Variants in DSCAM observed in about 807,000 individuals in gnomAD.
DSCAM encodes the protein DS cell adhesion molecule, also known as cell adhesion molecule DSCAM.
A neutral mutation model predicts 217.7 loss-of-function variants in DSCAM; 47 were observed. The ratio of observed to expected loss-of-function variants is 0.22; its 90% CI spans 0.17 to 0.28. DSCAM has a LOEUF of 0.28. Ranked by LOEUF, DSCAM falls within the 10% of genes least tolerant of loss-of-function variation. The probability of loss-of-function intolerance (pLI) is 1.00; values close to 1 mark genes in which losing one functional copy is unlikely to be tolerated. For synonymous variants in DSCAM, 1,056 were observed against 1,015.3 expected (o/e 1.04, Z -0.76); for missense variants, 2,080 against 2,618.3 (o/e 0.79, Z 4.49).
chr21:40,530,048 G>A (rs2076431064), intron 3 of DSCAM, among the ~76,000 whole-genome samples: 1 of 152,158 alleles, frequency 6.6e-6, no homozygotes, highest in African/African-American at 2.4e-5. Context: ...GAAATAATAA[G>A]AACTGAACAC....
chr21:40,302,436 C>T (rs1830953232), intron 9 of DSCAM, among the ~76,000 whole-genome samples: 2 of 152,178 alleles, frequency 1.3e-5, no homozygotes, highest in East Asian at 1.9e-4. Context: ...ACCTGTGGAA[C>T]TGTGAGTCCA....
In DSCAM at chr21:40,134,015, G is replaced by T. The variant is rs777493335; in HGVS notation, c.3407-6C>A. 2 of 1,603,572 alleles carry T rather than the reference G, an allele frequency of 1.2e-6. No individual in the cohort carries two copies. The highest frequency in any genetic ancestry group is 3.5e-5 in the Admixed American group (2 of 57,690). On this transcript the variant is annotated splice_polypyrimidine_tract_variant and splice_region_variant and intron_variant, in intron 18 of 32. Transcript: ENST00000400454. ...GTTTTTAATCTCACCCAGCTCTGGA[G>T]GACAAGAACAAGAAAACAAAATCCC...
intron 24 of DSCAM, among the ~76,000 whole-genome samples, chr21:40,083,194 C>T (rs559685654): frequency 6.6e-6 from 1 of 152,286 alleles, no homozygotes; most frequent in Non-Finnish European, 1.5e-5. Context: ...TTTGAGAGGC[C>T]GAGGTGAGCG....
intron 3 of DSCAM, among the ~76,000 whole-genome samples, chr21:40,458,953 A>G (rs1569132335): frequency 6.6e-6 from 1 of 152,076 alleles, no homozygotes; most frequent in Non-Finnish European, 1.5e-5. Context: ...TGAGAGTAGA[A>G]CCTAGGTAAA....
intron 10 of DSCAM, among the ~76,000 whole-genome samples, chr21:40,285,438 T>A (rs1230880781): frequency 2.0e-5 from 3 of 152,100 alleles, no homozygotes; most frequent in Non-Finnish European, 4.4e-5. Flanking sequence ...TCCTGGTGGC[T>A]CCACCAAGGC....
intron 1 of DSCAM, among the ~76,000 whole-genome samples, chr21:40,718,640 A>T (rs2090869105): frequency 6.6e-6 from 1 of 152,194 alleles, no homozygotes; most frequent in African/African-American, 2.4e-5. Flanking sequence ...ACATGTGGGA[A>T]TTCAAGATGA....
chr21:40,398,410 C>T (rs887897985), intron 3 of DSCAM, among the ~76,000 whole-genome samples: 3 of 152,132 alleles, frequency 2.0e-5, no homozygotes, highest in Non-Finnish European at 2.9e-5. Context: ...ATTTCCTCTT[C>T]CTAAAATGTC....
At chr21:40,525,355 C>G (rs1751380670) in intron 3 of DSCAM, among the ~76,000 whole-genome samples, 1 of 152,152 alleles carries the variant, frequency 6.6e-6, no homozygotes, top group South Asian at 2.1e-4. Flanking sequence ...TAGCAGTGGA[C>G]AGTGGTATAG....
In DSCAM at chr21:40,265,867, ATTAAAGAC is replaced by A. The variant is rs1163718741; in HGVS notation, c.2356+10222_2356+10229del. On this transcript the variant is annotated intron_variant, in intron 11 of 32. Coordinates refer to ENST00000400454, the MANE Select transcript of DSCAM (RefSeq NM_001389.5). ...AGATACAAAAATTAACTCAAGGTGG[ATTAAAGAC>A]TTAAATATAAAACCTGAAACCATAA... Among the ~76,000 whole-genome samples, 4 of 152,334 alleles carry A rather than the reference ATTAAAGAC, an allele frequency of 2.6e-5. No homozygotes were observed. The East Asian group carries it at 7.7e-4, about 29-fold the overall frequency.
At chr21:40,495,824 C>CA (rs2076113816) in intron 3 of DSCAM, among the ~76,000 whole-genome samples, 1 of 151,930 alleles carries the variant, frequency 6.6e-6, no homozygotes, top group Admixed American at 6.6e-5. Flanking sequence ...TAGATAAATA[C>CA]AAAAAAATTA....
rs563092100 is a variant in DSCAM at position 40,559,186 on chromosome 21, C to T, written c.508+133624G>A. 8.8e-5 allele frequency among the ~76,000 whole-genome samples: 11 copies of T among 125,256 alleles called. No individual in the cohort carries two copies. In the South Asian group the frequency reaches 2.8e-3, roughly 31 times the overall value. The allele number at this position is 125,256 out of a possible 152,430, so 82.2% of individuals were successfully genotyped here. On this transcript the variant is annotated intron_variant, in intron 3 of 32. Coordinates refer to ENST00000400454, the MANE Select transcript of DSCAM (RefSeq NM_001389.5). ...TTCTCCAGTTAAAGTAGGCCGGGCACGGTGGCTCAAGCCTGTAATCCCAGA... is the reference window on the plus strand; with the variant it reads ...TTCTCCAGTTAAAGTAGGCCGGGCATGGTGGCTCAAGCCTGTAATCCCAGA...
chr21:40,222,889 G>A (rs949642708), intron 11 of DSCAM, among the ~76,000 whole-genome samples: 1 of 152,182 alleles, frequency 6.6e-6, no homozygotes, highest in African/African-American at 2.4e-5. Context: ...CAATTTTAAA[G>A]TTTGAAATCT....
At chr21:40,367,956 G>A (rs1034615626) in intron 4 of DSCAM, among the ~76,000 whole-genome samples, 13 of 152,112 alleles carry the variant, frequency 8.5e-5, no homozygotes, top group Admixed American at 6.5e-4. Context: ...AACAAACATC[G>A]TGGGATTAAG....
At chr21:40,318,955 G>A (rs1046644994) in intron 8 of DSCAM, among the ~76,000 whole-genome samples, 2 of 152,176 alleles carry the variant, frequency 1.3e-5, no homozygotes, top group African/African-American at 4.8e-5. Context: ...GGACAGGGAA[G>A]GACAAGGCAT....
chr21:40,623,267 T>G (rs2089547963), intron 3 of DSCAM, among the ~76,000 whole-genome samples: 1 of 152,146 alleles, frequency 6.6e-6, no homozygotes, highest in Non-Finnish European at 1.5e-5. Context: ...AAAACAACTT[T>G]CATACTGGAG....
intron 1 of DSCAM, among the ~76,000 whole-genome samples, chr21:40,766,011 G>A (rs1408384931): frequency 6.6e-6 from 1 of 152,226 alleles, no homozygotes; most frequent in African/African-American, 2.4e-5. Context: ...CAGCCGCGGA[G>A]GCAGGCAGGG....
intron 11 of DSCAM, among the ~76,000 whole-genome samples, chr21:40,251,966 A>T (rs1357131007): frequency 6.6e-6 from 1 of 152,196 alleles, no homozygotes; most frequent in Non-Finnish European, 1.5e-5. Context: ...CAACAGCCAA[A>T]GAGTAAGTGA....
chr21:40,415,620 T>C (rs558255599), intron 3 of DSCAM, among the ~76,000 whole-genome samples: 3 of 152,314 alleles, frequency 2.0e-5, no homozygotes, highest in South Asian at 4.1e-4. Flanking sequence ...GACAGGGAAG[T>C]TGCCCTGGCC....
chr21:40,551,664 A>C (rs80176361), intron 3 of DSCAM, among the ~76,000 whole-genome samples: 5,363 of 152,254 alleles, frequency 0.035, 322 homozygotes, highest in African/African-American at 0.12. Flanking sequence ...GCAAGGAAAG[A>C]TATTTTGGGG....
Sources: gnomAD v4.1 joint callset for allele counts (sites outside exome capture counted in the v4.1 genomes callset) on GRCh38, gnomAD v4.1.1 for gene constraint, MANE v1.5 for transcripts, NCBI Gene and HGNC (gene_info 2026-07-23, HGNC 2026-07-21) for gene names.